The following DTNB variants were observed in gnomAD, a reference collection of about 807,000 sequenced individuals.
DTNB encodes the protein dystrobrevin beta, also known as DTN-B.
Under a neutral mutation model 90.7 loss-of-function variants are expected in DTNB, and 63 were observed. That is an observed-to-expected ratio of 0.69 (90% CI 0.57 to 0.86). DTNB has a LOEUF of 0.86. Ranked by LOEUF, DTNB falls within the 40% of genes least tolerant of loss-of-function variation. The pLI, the probability that DTNB is intolerant of heterozygous loss-of-function variation, is 0.00. For missense variants in DTNB, 744 were observed against 807.1 expected (o/e 0.92, Z 0.95); for synonymous variants, 277 against 286.7 (o/e 0.97, Z 0.34).
At chr2:25,618,955 G>A (rs74547780) in intron 4 of DTNB, among the ~76,000 whole-genome samples, 87 of 152,212 alleles carry the variant, frequency 5.7e-4, no homozygotes, top group Non-Finnish European at 9.7e-4. Context: ...CTGAATAAAC[G>A]CTGTTATGTT....
intron 5 of DTNB, among the ~76,000 whole-genome samples, chr2:25,601,313 CT>C (rs2065834213): frequency 6.6e-6 from 1 of 152,178 alleles, no homozygotes; most frequent in Non-Finnish European, 1.5e-5. Flanking sequence ...AAGTAATTCT[CT>C]TTCTATTTAT....
chr2:25,648,993 C>CTTTTTTTTTTTTTTTT (rs60749102), intron 2 of DTNB, among the ~76,000 whole-genome samples: 1 of 94,032 alleles, frequency 1.1e-5, no homozygotes, highest in African/African-American at 4.3e-5. Flanking sequence ...TCCTTCCTAC[C>CTTTTTTTTTTTTTTTT]TTTTTTTTTT....
intron 16 of DTNB, among the ~76,000 whole-genome samples, chr2:25,410,056 A>G (rs1256605239): frequency 6.6e-6 from 1 of 152,200 alleles, no homozygotes; most frequent in Non-Finnish European, 1.5e-5. Context: ...CCAAGCCTAC[A>G]AATCATTTTT....
rs1181284830 is a variant in DTNB, at chr2:25,388,336, G to A, written c.1601C>T (p.Thr534Ile). ...CCGGCCGCCTCCATGGGTGGGCGAT[G>A]TATGTGGTGACCCTGTGGCCTGAGC... is the stretch of plus-strand genomic sequence containing the variant. Reference protein sequence around the residue: ...QAAQATGSPHTSPTHGGGRPM... With the variant: ...QAAQATGSPHISPTHGGGRPM... The change falls in exon 17 of 21, where the codon ACA (threonine) becomes ATA (isoleucine). Residue 534 changes from threonine to isoleucine, a missense_variant. Physicochemically the swap from Thr to Ile is moderately conservative, Grantham distance 89 (BLOSUM62 -1). Coordinates refer to ENST00000406818, the MANE Select transcript of DTNB (RefSeq NM_021907.5). The A allele has an allele frequency of 3.7e-6, 6 of 1,612,262 alleles. No individual in the cohort carries two copies. Among genetic ancestry groups the A allele is most frequent in the Non-Finnish European group, 4.2e-6 (5 of 1,178,778 alleles).
At chr2:25,581,515 A>C (rs960111344) in intron 6 of DTNB, among the ~76,000 whole-genome samples, 1 of 152,192 alleles carries the variant, frequency 6.6e-6, no homozygotes, top group Non-Finnish European at 1.5e-5. Flanking sequence ...CCCTAGCTAG[A>C]CTGCATTTTT....
In DTNB at chr2:25,557,841, A is replaced by C. The variant is rs550179620; in HGVS notation, c.876+18997T>G. Among the ~76,000 whole-genome samples the C allele has an allele frequency of 2.0e-5, 3 of 152,358 alleles. No individual in the cohort carries two copies. The South Asian group carries it at 6.2e-4, about 32-fold the overall frequency. On this transcript the variant is annotated intron_variant, in intron 8 of 20. Transcript: ENST00000406818. ...CAGATGATGTAATTATCTACTTGGAAGTCCAAGAAAAGGAACTGAAAAATT... is the reference window on the plus strand; with the variant it reads ...CAGATGATGTAATTATCTACTTGGACGTCCAAGAAAAGGAACTGAAAAATT...
At chr2:25,490,967 T>C (rs564732154) in intron 9 of DTNB, among the ~76,000 whole-genome samples, 2 of 152,082 alleles carry the variant, frequency 1.3e-5, no homozygotes, top group South Asian at 2.1e-4. Flanking sequence ...ATTATGGGAA[T>C]TATGGGAAAG....
In DTNB at chr2:25,388,258, C is replaced by T; in HGVS notation, c.1679G>A (p.Cys560Tyr). Reference protein sequence around the residue: ...STSAGSTPTHCPQDSLSGVGG... With the variant: ...STSAGSTPTHYPQDSLSGVGG... ...GACTCCGCTCAGCGAGTCCTGCGGA[C>T]AGTGGGTGGGGGTGGAGCCGGCAGA... The change falls in exon 17 of 21, where the codon TGT (cysteine) becomes TAT (tyrosine). Residue 560 changes from cysteine to tyrosine, a missense_variant. Coordinates refer to ENST00000406818, the MANE Select transcript of DTNB (RefSeq NM_021907.5). 6.2e-7 allele frequency: 1 copy of T among 1,608,854 alleles called. No homozygotes were observed. The highest frequency in any genetic ancestry group is 1.1e-5 in the South Asian group (1 of 89,984).
chr2:25,397,849 C>T (rs1178041410), intron 16 of DTNB, among the ~76,000 whole-genome samples: 1 of 142,246 alleles, frequency 7.0e-6, no homozygotes, highest in Admixed American at 7.4e-5. Flanking sequence ...CACTGCCCTC[C>T]AGCCTGGGTG....
At chr2:25,617,177 TTTA>T (rs2148617980) in intron 4 of DTNB, among the ~76,000 whole-genome samples, 1 of 152,244 alleles carries the variant, frequency 6.6e-6, no homozygotes, top group East Asian at 1.9e-4. Flanking sequence ...CATCACAGGC[TTTA>T]TTAAGGGTCA....
intron 9 of DTNB, among the ~76,000 whole-genome samples, chr2:25,483,574 C>T (rs570672318): frequency 9.5e-4 from 145 of 152,310 alleles, no homozygotes; most frequent in African/African-American, 3.3e-3. Context: ...TCAAGGTTAG[C>T]ATTTTTGGTA....
chr2:25,412,026 G>A (rs992119132), intron 16 of DTNB, among the ~76,000 whole-genome samples: 1 of 152,160 alleles, frequency 6.6e-6, no homozygotes, highest in African/African-American at 2.4e-5. Context: ...CTAACATCAA[G>A]GGGTTCACCA....
intron 9 of DTNB, among the ~76,000 whole-genome samples, chr2:25,516,441 C>T (rs879804224): frequency 7.9e-5 from 12 of 151,860 alleles, no homozygotes; most frequent in African/African-American, 1.5e-4. Flanking sequence ...TAAGTAGAGA[C>T]GGGGTTTTGC....
chr2:25,525,232 A>C (rs2076863318), intron 9 of DTNB, among the ~76,000 whole-genome samples: 1 of 152,252 alleles, frequency 6.6e-6, no homozygotes, highest in South Asian at 2.1e-4. Context: ...AAAAAGTATA[A>C]AATCATGAAT....
At chr2:25,648,993 C>CTTTTTTTTTTTTTT (rs60749102) in intron 2 of DTNB, among the ~76,000 whole-genome samples, 7 of 93,988 alleles carry the variant, frequency 7.4e-5, no homozygotes, top group African/African-American at 2.6e-4. Flanking sequence ...TCCTTCCTAC[C>CTTTTTTTTTTTTTT]TTTTTTTTTT....
chr2:25,493,752 A>G (rs1043631532), intron 9 of DTNB, among the ~76,000 whole-genome samples: 20 of 152,344 alleles, frequency 1.3e-4, no homozygotes, highest in African/African-American at 4.8e-4. Context: ...TAGCACTGTT[A>G]GGGGTTTCGG....
intron 1 of DTNB, among the ~76,000 whole-genome samples, chr2:25,668,734 T>C (rs960837627): frequency 6.6e-6 from 1 of 152,246 alleles, no homozygotes; most frequent in Admixed American, 6.5e-5. Flanking sequence ...TATTCCATTA[T>C]GTATATTGTT....
Position 25,628,274 on chromosome 2 carries a change from A to G in DTNB, c.259T>C (p.Ser87Pro), listed in dbSNP as rs1210188546. Residue 87 changes from serine to proline, a missense_variant, in exon 4 of 21, where the codon TCC becomes CCC. Ser to Pro is a moderately conservative substitution (Grantham distance 74). Coordinates refer to ENST00000406818, the MANE Select transcript of DTNB (RefSeq NM_021907.5). Reference protein sequence around the residue: ...SVSRLETVISSIYYQLNKRLP... With the variant: ...SVSRLETVISPIYYQLNKRLP... ...CGCTTGTTCAACTGATAGTAGATGG[A>G]GGAGATGACAGTTTCGAGGCGGGAC... The G allele has an allele frequency of 1.9e-6, 3 of 1,613,270 alleles. No homozygotes were observed. Among genetic ancestry groups the G allele is most frequent in the Non-Finnish European group, 1.7e-6 (2 of 1,179,784 alleles).
At chr2:25,474,273 A>G (rs1217060372) in intron 10 of DTNB, among the ~76,000 whole-genome samples, 1 of 150,622 alleles carries the variant, frequency 6.6e-6, no homozygotes, top group African/African-American at 2.4e-5. Flanking sequence ...TTAATTTTCA[A>G]TTACTCTGCT....
Sources: gnomAD v4.1 joint callset for allele counts (sites outside exome capture counted in the v4.1 genomes callset) on GRCh38, gnomAD v4.1.1 for gene constraint, MANE v1.5 for transcripts, NCBI Gene and HGNC (gene_info 2026-07-23, HGNC 2026-07-21) for gene names.